Variants in DUSP14 observed in about 807,000 individuals in gnomAD.
DUSP14 encodes dual specificity phosphatase 14, also known as dual specificity protein phosphatase 14.
Under a neutral mutation model 13.2 loss-of-function variants are expected in DUSP14, and 5 were observed. The observed-to-expected ratio is 0.38, with a 90% confidence interval of 0.20 to 0.80. DUSP14 has a LOEUF of 0.80. Ranked by LOEUF, DUSP14 falls within the 30% of genes least tolerant of loss-of-function variation. The probability of loss-of-function intolerance (pLI) is 0.44; values close to 1 mark genes in which losing one functional copy is unlikely to be tolerated. For missense variants in DUSP14, 185 were observed against 264.0 expected (o/e 0.70, Z 2.07); for synonymous variants, 91 against 103.4 (o/e 0.88, Z 0.73).
intron 1 of DUSP14, among the ~76,000 whole-genome samples, chr17:37,504,753 A>AT (rs1241606983): frequency 2.0e-5 from 3 of 151,558 alleles, no homozygotes; most frequent in African/African-American, 4.9e-5. Flanking sequence ...AATTTTTAAA[A>AT]TTTTTTTTGC....
rs777692777 is a variant in DUSP14, at chr17:37,512,621, C to T, written c.349C>T (p.Arg117Cys). 1.9e-6 allele frequency: 3 copies of T among 1,612,880 alleles called. No homozygotes were observed. Among genetic ancestry groups the T allele is most frequent in the Non-Finnish European group, 2.5e-6 (3 of 1,179,086 alleles). Residue 117 changes from arginine (R) to cysteine (C), a missense_variant, in exon 3 of 3, where the codon CGC (arginine) becomes TGC (cysteine). Transcript: ENST00000617516. The surrounding 1 kb of genome is among the most constrained non-coding windows in gnomAD (Gnocchi z 4.8). ...GGTGCACTGTGCTGCAGGGGTGAGC[C>T]GCTCAGCCACGCTGTGTATCGCGTA... ...TLVHCAAGVS[R>C]SATLCIAYLM...
intron 1 of DUSP14, among the ~76,000 whole-genome samples, chr17:37,504,087 G>A (rs921993413): frequency 2.0e-5 from 3 of 152,198 alleles, no homozygotes; most frequent in South Asian, 4.1e-4. Flanking sequence ...CCAGCTACTC[G>A]GGAGGCTGAG....
intron 1 of DUSP14, among the ~76,000 whole-genome samples, chr17:37,500,561 C>T (rs2054098118): frequency 6.6e-6 from 1 of 152,148 alleles, no homozygotes; most frequent in South Asian, 2.1e-4. Context: ...TCACACCTAC[C>T]TGGGTTTTAT....
At chr17:37,489,733 C>T (rs1427249054), upstream of DUSP14, 6 of 150,924 alleles carry the variant, frequency 4.0e-5, no homozygotes, top group East Asian at 1.9e-4. Context: ...CGCAGAAGCC[C>T]AGCGCGCACG....
At chr17:37,511,585 C>CTTTTTTTTTT (rs533256343) in intron 2 of DUSP14, among the ~76,000 whole-genome samples, 3,167 of 87,174 alleles carry the variant, frequency 0.036, 430 homozygotes, top group Middle Eastern at 0.054. Context: ...CTGGCCTTTC[C>CTTTTTTTTTT]TTTTTTTTTT....
chr17:37,498,366 G>A (rs1264511889), intron 1 of DUSP14, among the ~76,000 whole-genome samples: 16 of 118,284 alleles, frequency 1.4e-4, no homozygotes, highest in East Asian at 1.3e-3. Flanking sequence ...TCGCTCTGTC[G>A]CCCAGGCTGG....
intron 1 of DUSP14, among the ~76,000 whole-genome samples, chr17:37,509,283 A>AGT (rs1312494375): frequency 6.8e-5 from 2 of 29,506 alleles, no homozygotes; most frequent in African/African-American, 3.1e-4. Flanking sequence ...ATATATATAT[A>AGT]TATATATATA....
intron 1 of DUSP14, among the ~76,000 whole-genome samples, chr17:37,494,920 CA>C: frequency 6.6e-6 from 1 of 152,180 alleles, no homozygotes; most frequent in Non-Finnish European, 1.5e-5. Flanking sequence ...TCTTTATTTA[CA>C]TAAGTCACAA....
rs753975041 is a variant in DUSP14 at position 37,512,586 on chromosome 17, G to C, written c.314G>C (p.Gly105Ala). 12 of 1,614,136 alleles carry C rather than the reference G, an allele frequency of 7.4e-6. No homozygotes were observed. The East Asian group carries it at 2.5e-4, about 33-fold the overall frequency. Residue 105 changes from glycine (G) to alanine (A), a missense_variant, in exon 3 of 3, where the codon GGG (glycine) becomes GCG (alanine). Coordinates refer to ENST00000617516, the MANE Select transcript of DUSP14 (RefSeq NM_007026.4). This position sits in a 1 kb window ranked among gnomAD's most constrained non-coding sequence, Gnocchi z 4.8. ...ATCCACAGTGTGAGCAGGAAGCACG[G>C]GGCCACCTTGGTGCACTGTGCTGCA... is the stretch of plus-strand genomic sequence containing the variant. ...DKIHSVSRKH[G>A]ATLVHCAAGV... is the part of the protein sequence containing the mutation.
chr17:37,512,136 G>A lies in DUSP14; in HGVS notation c.-92-45G>A. 4 of 675,372 alleles carry A rather than the reference G, an allele frequency of 5.9e-6. No individual in the cohort carries two copies. The South Asian group carries it at 8.4e-5, about 14-fold the overall frequency. The allele number at this position is 675,372 out of a possible 1,614,324, so 41.8% of individuals were successfully genotyped here. On this transcript the variant is annotated intron_variant, in intron 2 of 2. Coordinates refer to ENST00000617516, the MANE Select transcript of DUSP14 (RefSeq NM_007026.4). This position sits in a 1 kb window ranked among gnomAD's most constrained non-coding sequence, Gnocchi z 4.8. ...GACAAATGTGACAGAAGGCTGTGAT[G>A]AATCAGTAGCATTTAAAGTACTGAC...
At chr17:37,505,975 A>C (rs2054135279) in intron 1 of DUSP14, among the ~76,000 whole-genome samples, 1 of 152,220 alleles carries the variant, frequency 6.6e-6, no homozygotes, top group Non-Finnish European at 1.5e-5. Context: ...TGTTAAGAAC[A>C]AACCAGACTG....
intron 1 of DUSP14, among the ~76,000 whole-genome samples, chr17:37,504,668 C>T (rs1053047636): frequency 1.5e-4 from 23 of 152,158 alleles, no homozygotes; most frequent in Non-Finnish European, 7.4e-5. Context: ...GCCTCGACTT[C>T]CCAGACTCAA....
intron 1 of DUSP14, among the ~76,000 whole-genome samples, chr17:37,509,325 T>TG (rs1402231269): frequency 6.1e-4 from 73 of 118,758 alleles, no homozygotes; most frequent in South Asian, 1.2e-3. Context: ...TGTGTGTGTG[T>TG]TTAGTTTTTG....
chr17:37,493,788 C>T (rs1455311822), intron 1 of DUSP14, among the ~76,000 whole-genome samples: 2 of 151,048 alleles, frequency 1.3e-5, no homozygotes, highest in East Asian at 1.9e-4. Context: ...TTGAATGAAT[C>T]CTGCCTCTGG....
intron 1 of DUSP14, among the ~76,000 whole-genome samples, chr17:37,509,569 GC>G (rs2054169327): frequency 6.6e-6 from 1 of 151,576 alleles, no homozygotes; most frequent in Non-Finnish European, 1.5e-5. Flanking sequence ...TGATCCACCC[GC>G]CTCGGCCTCC....
chr17:37,496,541 G>A (rs868299964), intron 1 of DUSP14, among the ~76,000 whole-genome samples: 14 of 152,118 alleles, frequency 9.2e-5, no homozygotes, highest in African/African-American at 3.4e-4. Flanking sequence ...GGATCATGAG[G>A]TCCGGAGTTC....
chr17:37,488,666 A>G (rs1041320948), upstream of DUSP14, among the ~76,000 whole-genome samples: 26 of 152,198 alleles, frequency 1.7e-4, no homozygotes, highest in African/African-American at 6.0e-4. Flanking sequence ...AGACGAAAAT[A>G]AATCTCTCTA....
At chr17:37,498,489 G>T (rs1293526706) in intron 1 of DUSP14, among the ~76,000 whole-genome samples, 1 of 151,834 alleles carries the variant, frequency 6.6e-6, no homozygotes, top group Non-Finnish European at 1.5e-5. Flanking sequence ...ACCACACCTG[G>T]CTAATTTTTT....
chr17:37,509,433 G>C lies in DUSP14; in HGVS notation c.-180-1244G>C, dbSNP rs143866308. On this transcript the variant is annotated intron_variant, in intron 1 of 2. Coordinates refer to ENST00000617516, the MANE Select transcript of DUSP14 (RefSeq NM_007026.4). Reference sequence around the variant, plus strand: ...CCTCCTGGGTTCTAGTGATTCTCCTGCCTCAGCCACCCAAGTAGCTGGGAT... The same window carrying C: ...CCTCCTGGGTTCTAGTGATTCTCCTCCCTCAGCCACCCAAGTAGCTGGGAT... 1.7e-3 allele frequency among the ~76,000 whole-genome samples: 259 copies of C among 149,522 alleles called. 2 individuals are homozygous for C. Among genetic ancestry groups the C allele is most frequent in the African/African-American group, 5.5e-3 (222 of 40,506 alleles).
Sources: allele counts gnomAD v4.1 joint callset (sites outside exome capture counted in the v4.1 genomes callset), GRCh38; gene constraint gnomAD v4.1.1; non-coding constraint Gnocchi (gnomAD v3.1); transcripts MANE v1.5; gene names NCBI Gene and HGNC (gene_info 2026-07-23, HGNC 2026-07-21).